The following ZCCHC4 variants were observed in gnomAD, a reference collection of about 807,000 sequenced individuals.
The protein encoded by ZCCHC4 is rRNA N(6)-adenosine-methyltransferase ZCCHC4.
A neutral mutation model predicts 67.7 loss-of-function variants in ZCCHC4; 54 were observed. The ratio of observed to expected loss-of-function variants is 0.80; its 90% CI spans 0.64 to 1.00. The LOEUF (loss-of-function observed/expected upper bound fraction) is 1.00. Among genes scored for constraint, ZCCHC4 ranks in the 50% least tolerant of loss-of-function variants. ZCCHC4 has a pLI of 0.00. For missense variants in ZCCHC4, 609 were observed against 617.0 expected, an observed-to-expected ratio of 0.99 and a Z score of 0.14; for synonymous variants, 198 against 213.5, an observed-to-expected ratio of 0.93 and a Z score of 0.63.
chr4:25,332,161 A>T (rs529213702), intron 3 of ZCCHC4, among the ~76,000 whole-genome samples: 7 of 152,266 alleles, frequency 4.6e-5, no homozygotes, highest in Admixed American at 2.6e-4. Flanking sequence ...TAGAAAAATT[A>T]GCTGGATGTG....
At chr4:25,363,405 C>T (rs1176689196) in intron 10 of ZCCHC4, among the ~76,000 whole-genome samples, 2 of 152,206 alleles carry the variant, frequency 1.3e-5, no homozygotes, top group African/African-American at 4.8e-5. Context: ...CTTGTTTACT[C>T]ATTCACCTAC....
intron 6 of ZCCHC4, among the ~76,000 whole-genome samples, chr4:25,346,928 G>A (rs572121699): frequency 4.6e-5 from 7 of 152,314 alleles, no homozygotes; most frequent in African/African-American, 1.2e-4. Context: ...AGGCATTCAC[G>A]GAAGCAGTGA....
rs1390079487 is a variant in ZCCHC4, at chr4:25,369,216, A to AT, written c.*56dup. ...GATTTATGGTCCAACCTTTGATGCC[A>AT]TTTTCTGAAAGTGCCACACTGGACT... On this transcript the variant is annotated 3_prime_UTR_variant, in exon 13 of 13. Transcript: ENST00000302874. The AT allele has an allele frequency of 6.3e-7, 1 of 1,598,690 alleles. No individual in the cohort carries two copies. Among genetic ancestry groups the AT allele is most frequent in the East Asian group, 2.2e-5 (1 of 44,720 alleles).
intron 12 of ZCCHC4, chr4:25,365,619 G>T (rs7675478): frequency 0.064 from 62,821 of 985,824 alleles, 2,171 homozygotes; most frequent in South Asian, 0.13. Context: ...CTATTTCTTT[G>T]TATCAAATTT....
intron 8 of ZCCHC4, among the ~76,000 whole-genome samples, chr4:25,354,360 A>G (rs994246824): frequency 6.6e-6 from 1 of 152,216 alleles, no homozygotes; most frequent in African/African-American, 2.4e-5. Flanking sequence ...TGATTAGGTC[A>G]TATGTGTCTG....
At chr4:25,341,031 C>T (rs542738529) in intron 5 of ZCCHC4, among the ~76,000 whole-genome samples, 13 of 151,838 alleles carry the variant, frequency 8.6e-5, no homozygotes, top group South Asian at 8.4e-4. Context: ...TTAATAGAAA[C>T]GGGACTTGCT....
intron 3 of ZCCHC4, among the ~76,000 whole-genome samples, chr4:25,330,247 T>G (rs2109061493): frequency 6.6e-6 from 1 of 152,298 alleles, no homozygotes; most frequent in Non-Finnish European, 1.5e-5. Context: ...GACCTCAGCC[T>G]CACAAAGCTC....
chr4:25,356,363 A>T (rs1372983269), intron 8 of ZCCHC4, among the ~76,000 whole-genome samples: 1 of 152,154 alleles, frequency 6.6e-6, no homozygotes, highest in Non-Finnish European at 1.5e-5. Flanking sequence ...TGAAATATGG[A>T]TATATGTTAG....
At chr4:25,347,839 TGG>T (rs1720096414) in intron 6 of ZCCHC4, among the ~76,000 whole-genome samples, 2 of 152,214 alleles carry the variant, frequency 1.3e-5, no homozygotes, top group African/African-American at 4.8e-5. Context: ...GTAGAGAGGA[TGG>T]CTAATTAAAT....
At chr4:25,318,340 ACT>A (rs1560396771) in intron 3 of ZCCHC4, among the ~76,000 whole-genome samples, 1 of 64,106 alleles carries the variant, frequency 1.6e-5, no homozygotes, top group Non-Finnish European at 3.4e-5. Context: ...TTTTTTTTTC[ACT>A]CTCTCTCTTT....
chr4:25,313,308 C>T (rs571619516), intron 1 of ZCCHC4, among the ~76,000 whole-genome samples: 1 of 152,318 alleles, frequency 6.6e-6, no homozygotes, highest in Admixed American at 6.5e-5. Flanking sequence ...TAATTCTTGC[C>T]TGCGAACTAG....
chr4:25,364,980 C>T lies in ZCCHC4; in HGVS notation c.1262-42C>T, dbSNP rs201368172. ...TAAAAGTTAATAAGATGAAAAATTA[C>T]GTTACATGAACTTCCTTTAAAACTT... is the stretch of plus-strand genomic sequence containing the variant. On this transcript the variant is annotated intron_variant, in intron 11 of 12. Coordinates refer to ENST00000302874, the MANE Select transcript of ZCCHC4 (RefSeq NM_024936.3). 149 of 1,608,756 alleles carry T rather than the reference C, an allele frequency of 9.3e-5. 1 individual carries two copies. Among genetic ancestry groups the T allele is most frequent in the Middle Eastern group, 1.7e-4 (1 of 6,050 alleles).
At chr4:25,346,741 A>G (rs1720040136) in intron 6 of ZCCHC4, among the ~76,000 whole-genome samples, 1 of 152,194 alleles carries the variant, frequency 6.6e-6, no homozygotes, top group Admixed American at 6.5e-5. Flanking sequence ...TTATAATTAG[A>G]TGTATTTCAG....
intron 5 of ZCCHC4, among the ~76,000 whole-genome samples, chr4:25,338,880 G>A (rs1376640020): frequency 1.3e-5 from 2 of 152,112 alleles, no homozygotes; most frequent in Non-Finnish European, 2.9e-5. Flanking sequence ...CAAATTCCAT[G>A]TGAACATAGG....
At chr4:25,354,746 C>CCT (rs1243000467) in intron 8 of ZCCHC4, among the ~76,000 whole-genome samples, 1 of 152,066 alleles carries the variant, frequency 6.6e-6, no homozygotes, top group African/African-American at 2.4e-5. Context: ...GAGCCTCTCA[C>CCT]CTCAGCCTCC....
chr4:25,326,145 G>C (rs1356269338), intron 3 of ZCCHC4, among the ~76,000 whole-genome samples: 1 of 152,220 alleles, frequency 6.6e-6, no homozygotes, highest in Non-Finnish European at 1.5e-5. Context: ...AGTTCCTTCT[G>C]AAGACTCTGA....
chr4:25,318,706 A>AT (rs986667110), intron 3 of ZCCHC4, among the ~76,000 whole-genome samples: 1 of 152,044 alleles, frequency 6.6e-6, no homozygotes, highest in African/African-American at 2.4e-5. Context: ...TTTGATAAAA[A>AT]TTTTTTTGAA....
intron 12 of ZCCHC4, among the ~76,000 whole-genome samples, chr4:25,367,173 A>G (rs988426378): frequency 2.6e-5 from 4 of 151,958 alleles, no homozygotes; most frequent in African/African-American, 9.7e-5. Context: ...CTTGGTGTTA[A>G]TTTTTCTTTA....
rs59588292 is a variant in ZCCHC4, at chr4:25,320,683, A to C, written c.329+5283A>C. 7.2e-3 allele frequency among the ~76,000 whole-genome samples: 1,100 copies of C among 152,356 alleles called. 40 individuals carry two copies. Among genetic ancestry groups the C allele is most frequent in the East Asian group, 0.072 (372 of 5,186 alleles). On this transcript the variant is annotated intron_variant, in intron 3 of 12. Coordinates refer to ENST00000302874, the MANE Select transcript of ZCCHC4 (RefSeq NM_024936.3). The stretch of plus-strand genomic sequence containing the variant: ...GTCTGAATGTTAAATTTAAGGCATA[A>C]TAGTTGCTGATTATGTTGTGATTTT...
Sources: gnomAD v4.1 joint callset for allele counts (sites outside exome capture counted in the v4.1 genomes callset) on GRCh38, gnomAD v4.1.1 for gene constraint, MANE v1.5 for transcripts, NCBI Gene and HGNC (gene_info 2026-07-23, HGNC 2026-07-21) for gene names.